Variants in TSPAN8 observed in about 807,000 individuals in gnomAD.
The protein encoded by TSPAN8 is tetraspanin 8.
In TSPAN8, 21 loss-of-function variants were observed where a neutral mutation model predicts 32.8. The observed-to-expected ratio is 0.64, with a 90% confidence interval of 0.45 to 0.92. The LOEUF is 0.92. TSPAN8 is among the 40% of genes least tolerant of loss of function. The pLI is 0.00. For synonymous variants in TSPAN8, 95 were observed against 94.6 expected, an observed-to-expected ratio of 1.00 and a Z score of -0.03; for missense variants, 269 against 281.9, an observed-to-expected ratio of 0.95 and a Z score of 0.33.
At chr12:71,156,255 A>AAAAAAAAAAAAC (rs1565791222) in intron 2 of TSPAN8, among the ~76,000 whole-genome samples, 1 of 103,876 alleles carries the variant, frequency 9.6e-6, no homozygotes, top group African/African-American at 4.1e-5. Context: ...TTCTCCAAAA[A>AAAAAAAAAAAAC]AAAAAAAAAA....
At chr12:71,154,887 A>G (rs1872374595) in intron 2 of TSPAN8, among the ~76,000 whole-genome samples, 1 of 152,238 alleles carries the variant, frequency 6.6e-6, no homozygotes, top group Non-Finnish European at 1.5e-5. Flanking sequence ...CAAAGTTATT[A>G]GGATCATTTC....
chr12:71,139,291 A>G (rs1414321896), intron 4 of TSPAN8: 3 of 461,768 alleles, frequency 6.5e-6, no homozygotes, highest in Admixed American at 2.4e-5. Context: ...TCACTCATAC[A>G]AATACCTTAT....
intron 2 of TSPAN8, among the ~76,000 whole-genome samples, chr12:71,152,780 A>C (rs1281745889): frequency 6.6e-6 from 1 of 152,232 alleles, no homozygotes; most frequent in Non-Finnish European, 1.5e-5. Flanking sequence ...ATCAACGGAC[A>C]CAATAAGATA....
At chr12:71,151,158 G>A (rs1481249105) in intron 2 of TSPAN8, among the ~76,000 whole-genome samples, 1 of 151,752 alleles carries the variant, frequency 6.6e-6, no homozygotes, top group Non-Finnish European at 1.5e-5. Flanking sequence ...CCGCCTCCCG[G>A]GTTCATGCCA....
chr12:71,153,809 A>C (rs1872332701), intron 2 of TSPAN8, among the ~76,000 whole-genome samples: 2 of 152,184 alleles, frequency 1.3e-5, no homozygotes, highest in South Asian at 4.1e-4. Context: ...CTTGGCTAAG[A>C]AGTTATCACT....
rs771330103 is a variant in TSPAN8 at position 71,157,668 on chromosome 12, A to C, written c.11T>G (p.Val4Gly). Residue 4 changes from valine to glycine, a missense_variant, in exon 2 of 9, where the codon GTG becomes GGG. Transcript: ENST00000247829. ...CATAGAATATTTTATACAGGCACTC[A>C]CACCTGCCATTTCGGAAAAGGATTA... The part of the protein sequence containing the change: MAG[V>G]SACIKYSMFT... The C allele has an allele frequency of 5.0e-6, 8 of 1,613,462 alleles. No individual in the cohort carries two copies. The highest frequency in any genetic ancestry group is 6.8e-6 in the Non-Finnish European group (8 of 1,179,562).
At chr12:71,140,223 A>G (rs949521282) in intron 3 of TSPAN8, among the ~76,000 whole-genome samples, 1 of 152,222 alleles carries the variant, frequency 6.6e-6, no homozygotes, top group Non-Finnish European at 1.5e-5. Flanking sequence ...ATTCTTTAAA[A>G]AGTTCAAGCT....
At position 71,149,731 on chromosome 12, in the gene TSPAN8, G is replaced by A. The variant is rs142251730; in HGVS notation, c.61-5518C>T. On this transcript the variant is annotated intron_variant, in intron 2 of 8. Coordinates refer to ENST00000247829, the MANE Select transcript of TSPAN8 (RefSeq NM_004616.3). The stretch of plus-strand genomic sequence containing the variant: ...TTATCTTCGTAAGCTGAGGATGTAC[G>A]TCACCTCAGGACCCTGTGATAATTG... Among the ~76,000 whole-genome samples, 1,008 of 152,278 alleles carry A rather than the reference G, an allele frequency of 6.6e-3. 20 individuals are homozygous for A. The highest frequency in any genetic ancestry group is 0.023 in the African/African-American group (959 of 41,544).
chr12:71,129,410 C>A lies in TSPAN8; in HGVS notation c.581G>T (p.Cys194Phe). ...CAAGAAGTCTTTTATGAAAGAAATA[C>A]AGGTCTGTTAAAAAAAAAAAACATT... ...YNGKQVYKET[C>F]ISFIKDFLAK... Residue 194 changes from cysteine to phenylalanine, a missense_variant, in exon 8 of 9, where the codon TGT becomes TTT. Coordinates refer to ENST00000247829, the MANE Select transcript of TSPAN8 (RefSeq NM_004616.3). 6.4e-7 allele frequency: 1 copy of A among 1,557,934 alleles called. No homozygotes were observed. The highest frequency in any genetic ancestry group is 8.6e-7 in the Non-Finnish European group (1 of 1,156,212).
intron 7 of TSPAN8, among the ~76,000 whole-genome samples, chr12:71,130,511 G>A (rs3914135): frequency 0.41 from 61,606 of 152,054 alleles, 13,314 homozygotes; most frequent in East Asian, 0.62. Context: ...AGACTACACA[G>A]TATAATTGTG....
intron 2 of TSPAN8, among the ~76,000 whole-genome samples, chr12:71,151,944 G>C (rs964374212): frequency 3.3e-5 from 5 of 152,088 alleles, no homozygotes; most frequent in Non-Finnish European, 7.4e-5. Flanking sequence ...ATCAGAGTAG[G>C]GCTAAAATTA....
chr12:71,130,306 T>C (rs1226802087), intron 7 of TSPAN8, among the ~76,000 whole-genome samples: 2 of 152,168 alleles, frequency 1.3e-5, no homozygotes, highest in East Asian at 1.9e-4. Flanking sequence ...TATTTTTATC[T>C]TAAAAAGAAA....
rs1051344 is a variant in TSPAN8 at position 71,125,316 on chromosome 12, G to C, written c.*18C>G. On this transcript the variant is annotated 3_prime_UTR_variant, in exon 9 of 9. Transcript: ENST00000247829. The stretch of plus-strand genomic sequence containing the variant: ...TTTAAAGGGGTTTGACTGACGATAG[G>C]TTGATGCATCCACAGATTCATTTGT... 0.38 allele frequency: 615,355 copies of C among 1,602,528 alleles called. 122,843 individuals carry two copies. The highest frequency in any genetic ancestry group is 0.41 in the Non-Finnish European group (485,981 of 1,172,066).
In TSPAN8 at chr12:71,138,521, G is replaced by C. The variant is rs114199780; in HGVS notation, c.262-291C>G. 6.4e-3 allele frequency among the ~76,000 whole-genome samples: 969 copies of C among 152,266 alleles called. 13 individuals are homozygous for C. The highest frequency in any genetic ancestry group is 0.022 in the African/African-American group (902 of 41,538). On this transcript the variant is annotated intron_variant, in intron 4 of 8. Transcript: ENST00000247829. ...GAGGGAAGTTTGAAAACTTAGATGA[G>C]TTTATTTGAGTATTATTTTACTCCT...
intron 2 of TSPAN8, among the ~76,000 whole-genome samples, chr12:71,148,028 G>A (rs1872130891): frequency 6.6e-6 from 1 of 152,132 alleles, no homozygotes; most frequent in South Asian, 2.1e-4. Flanking sequence ...TTGGGCTTTA[G>A]CGCAGAGTAA....
rs1454776613 is a variant in TSPAN8, at chr12:71,138,070, GAA to G, written c.337-12_337-11del. 1.2e-6 allele frequency: 2 copies of G among 1,611,928 alleles called. No individual in the cohort carries two copies. Among genetic ancestry groups the G allele is most frequent in the African/African-American group, 2.7e-5 (2 of 74,720 alleles). ...TCACAATGCGATCAGACTGAAAATT[GAA>G]AAGTATTTTACATTATTCACGCCAC... On this transcript the variant is annotated splice_polypyrimidine_tract_variant and intron_variant, in intron 5 of 8. Transcript: ENST00000247829.
At chr12:71,155,289 C>T (rs990757957) in intron 2 of TSPAN8, among the ~76,000 whole-genome samples, 3 of 152,074 alleles carry the variant, frequency 2.0e-5, no homozygotes, top group African/African-American at 7.2e-5. Context: ...TGGCTACGAA[C>T]GTCACAAAAG....
intron 2 of TSPAN8, 72 bp from the exon 3 acceptor site, chr12:71,144,285 A>G (rs963256794): frequency 4.3e-5 from 60 of 1,380,058 alleles, no homozygotes; most frequent in Admixed American, 9.5e-5. Flanking sequence ...ACACCCTCCT[A>G]TCTATCCGGT....
At chr12:71,147,458 C>G (rs1872112613) in intron 2 of TSPAN8, among the ~76,000 whole-genome samples, 1 of 152,126 alleles carries the variant, frequency 6.6e-6, no homozygotes, top group East Asian at 1.9e-4. Context: ...AGAAACTCTT[C>G]TTGTGCTGCT....
Sources: allele counts gnomAD v4.1 joint callset (sites outside exome capture counted in the v4.1 genomes callset), GRCh38; gene constraint gnomAD v4.1.1; transcripts MANE v1.5; gene names NCBI Gene and HGNC (gene_info 2026-07-23, HGNC 2026-07-21).